MTCL1: variants seen among roughly 807,000 people sequenced by gnomAD.
The protein encoded by MTCL1 is microtubule crosslinking factor 1, also known as microtubule cross-linking factor 1.
Under a neutral mutation model 141.4 loss-of-function variants are expected in MTCL1, and 79 were observed. The ratio of observed to expected loss-of-function variants is 0.56; its 90% CI spans 0.47 to 0.67. The LOEUF (loss-of-function observed/expected upper bound fraction) is 0.67, where lower values mean the gene tolerates loss of function less well. MTCL1 is among the 30% of genes least tolerant of loss of function. The pLI is 0.00. For synonymous variants in MTCL1, 914 were observed against 875.8 expected, an observed-to-expected ratio of 1.04 and a Z score of -0.77; for missense variants, 2,177 against 2,113.9, an observed-to-expected ratio of 1.03 and a Z score of -0.59.
upstream of MTCL1, among the ~76,000 whole-genome samples, chr18:8,713,713 T>C (rs2096108553): frequency 1.3e-5 from 2 of 152,250 alleles, no homozygotes; most frequent in South Asian, 4.1e-4. Context: ...GCCCTGGTCC[T>C]ATTGCTGCAG....
chr18:8,714,549 A>G (rs1011157104), upstream of MTCL1, among the ~76,000 whole-genome samples: 2 of 152,110 alleles, frequency 1.3e-5, no homozygotes, highest in Admixed American at 1.3e-4. Context: ...ACAAAGGAGG[A>G]GCAAAGACAC....
chr18:8,774,342 G>A (rs903559862), intron 4 of MTCL1, among the ~76,000 whole-genome samples: 46 of 151,958 alleles, frequency 3.0e-4, no homozygotes, highest in Admixed American at 1.8e-3. Context: ...GAAACATGGC[G>A]TCTTTATTAC....
At position 8,781,639 on chromosome 18, in the gene MTCL1, A is replaced by G. The variant is rs1304165939; in HGVS notation, c.418-1891A>G. Among the ~76,000 whole-genome samples the G allele has an allele frequency of 4.6e-5, 7 of 152,226 alleles. No individual in the cohort carries two copies. The East Asian group carries it at 1.3e-3, about 29-fold the overall frequency. ...ACACAAACCAGTTTATATATAATAA[A>G]TACACTTTTTAGGTTTATGATTTAT... On this transcript the variant is annotated intron_variant, in intron 5 of 16. Transcript: ENST00000359865.
In MTCL1 at chr18:8,814,688, C is replaced by T. The variant is rs116965123; in HGVS notation, c.2859+1455C>T. On this transcript the variant is annotated intron_variant, in intron 12 of 16. Coordinates refer to ENST00000359865, the Ensembl canonical transcript of MTCL1. The stretch of plus-strand genomic sequence containing the variant: ...TCACCAGGGAGCTTCATTCTTGGCC[C>T]GTGCTCTAGGGCCACTCACTTTTTA... Among the ~76,000 whole-genome samples, 6 of 152,262 alleles carry T rather than the reference C, an allele frequency of 3.9e-5. No individual in the cohort carries two copies. In the East Asian group the frequency reaches 9.6e-4, roughly 24 times the overall value.
chr18:8,707,667 C>CT (rs1397145215), intron 1 of MTCL1: 1 of 152,434 alleles, frequency 6.6e-6, no homozygotes, highest in East Asian at 1.9e-4. Flanking sequence ...ATCTGTGTAT[C>CT]TGTTAAGTCT....
chr18:8,724,932 G>A (rs1365236631), intron 4 of MTCL1, among the ~76,000 whole-genome samples: 6 of 150,296 alleles, frequency 4.0e-5, no homozygotes, highest in Non-Finnish European at 8.9e-5. Context: ...GCACCCACAC[G>A]CCCTCTGCTT....
chr18:8,710,457 C>CTTTTTTT (rs59830434), intron 1 of MTCL1, among the ~76,000 whole-genome samples: 7 of 121,804 alleles, frequency 5.7e-5, no homozygotes, highest in African/African-American at 1.6e-4. Flanking sequence ...CAGGCACTTT[C>CTTTTTTT]TTTTTTTTTT....
At chr18:8,798,045 A>G (rs1960234636) in intron 9 of MTCL1, 52 bp from the exon 9 acceptor site, 1 of 1,518,744 alleles carries the variant, frequency 6.6e-7, no homozygotes, top group African/African-American at 1.4e-5. Flanking sequence ...ATCAGGCTGT[A>G]CAGCAAAAGA....
chr18:8,785,979 G>A (rs200095511), exon 7 of MTCL1: 245 of 1,603,708 alleles, frequency 1.5e-4, no homozygotes, highest in East Asian at 1.3e-3. Context: ...GGGCCGGCCC[G>A]AGGGGACGAG....
At chr18:8,819,041 C>T in exon 13 of MTCL1, 1 of 1,614,280 alleles carries the variant, frequency 6.2e-7, no homozygotes, top group South Asian at 1.1e-5. Flanking sequence ...CCCCTTTCCC[C>T]ACCAGGGAAG....
At chr18:8,776,064 C>T (rs559890996) in intron 4 of MTCL1, among the ~76,000 whole-genome samples, 1 of 152,280 alleles carries the variant, frequency 6.6e-6, no homozygotes, top group South Asian at 2.1e-4. Flanking sequence ...TTGCATAGAG[C>T]CTCCTTTGCA....
At chr18:8,771,396 C>T (rs531215461) in intron 4 of MTCL1, among the ~76,000 whole-genome samples, 61 of 152,170 alleles carry the variant, frequency 4.0e-4, no homozygotes, top group African/African-American at 1.3e-3. Flanking sequence ...TATAAACTAC[C>T]CCCCAAAAAC....
rs199932072 is a variant in MTCL1 at position 8,828,936 on chromosome 18, G to T, written c.4751G>T (p.Trp1584Leu). ...CAAACTGTCTTGCTAACTGCCCCCT[G>T]GGGACTCTAGCCCTGCCCGCCTCAC... Residue 1584 changes from tryptophan to leucine, a missense_variant, in exon 16 of 17, where the codon TGG (tryptophan) becomes TTG (leucine). Coordinates refer to ENST00000359865, the Ensembl canonical transcript of MTCL1. The surrounding 1 kb of genome is among the most constrained non-coding windows in gnomAD (Gnocchi z 5.2). 6 of 1,614,034 alleles carry T rather than the reference G, an allele frequency of 3.7e-6. No individual in the cohort carries two copies. Among genetic ancestry groups the T allele is most frequent in the Non-Finnish European group, 5.1e-6 (6 of 1,180,022 alleles).
At chr18:8,801,727 A>G (rs2076131279) in intron 10 of MTCL1, 1 of 152,236 alleles carries the variant, frequency 6.6e-6, no homozygotes, top group African/African-American at 2.4e-5. Context: ...TTTTCATCAG[A>G]CTTGCCCTGG....
chr18:8,724,684 C>T (rs1381444463), intron 4 of MTCL1, among the ~76,000 whole-genome samples: 4 of 152,168 alleles, frequency 2.6e-5, no homozygotes, highest in Non-Finnish European at 5.9e-5. Context: ...TCCCCGGCTC[C>T]CTGTTGGGTT....
rs993439927 is a variant in MTCL1 at position 8,810,687 on chromosome 18, G to T, written c.2605-2292G>T. On this transcript the variant is annotated intron_variant, in intron 11 of 16. Coordinates refer to ENST00000359865, the Ensembl canonical transcript of MTCL1. This position sits in a 1 kb window ranked among gnomAD's most constrained non-coding sequence, Gnocchi z 5.0. ...TTAAACTGGGATTTTGTGGTGCTTG[G>T]TGCTTTTCTGGTAGTCTTCTGGTTA... Among the ~76,000 whole-genome samples the T allele has an allele frequency of 6.6e-6, 1 of 152,100 alleles. No homozygotes were observed. The highest frequency in any genetic ancestry group is 1.5e-5 in the Non-Finnish European group (1 of 68,024).
At chr18:8,803,229 T>G (rs471016) in intron 10 of MTCL1, among the ~76,000 whole-genome samples, 98,904 of 151,284 alleles carry the variant, frequency 0.65, 32,858 homozygotes, top group Admixed American at 0.75. Flanking sequence ...CGAATATTCC[T>G]GGCTCGGTTT....
chr18:8,816,222 T>C (rs2076650388), intron 12 of MTCL1, among the ~76,000 whole-genome samples: 1 of 152,228 alleles, frequency 6.6e-6, no homozygotes, highest in Non-Finnish European at 1.5e-5. Flanking sequence ...GAGATGTAAC[T>C]GAACATTCTT....
chr18:8,784,321 G>C, exon 6 of MTCL1: 1 of 1,558,932 alleles, frequency 6.4e-7, no homozygotes, highest in Non-Finnish European at 8.7e-7. Context: ...AGAGCCGCCT[G>C]CCCCAGCCCA....
Sources: gnomAD v4.1 joint callset for allele counts (sites outside exome capture counted in the v4.1 genomes callset) on GRCh38, gnomAD v4.1.1 for gene constraint, Gnocchi (gnomAD v3.1) non-coding constraint, MANE v1.5 for transcripts, NCBI Gene and HGNC (gene_info 2026-07-23, HGNC 2026-07-21) for gene names.